Variants in GRID1 observed in about 807,000 individuals in gnomAD.
GRID1 encodes glutamate receptor ionotropic, delta-1.
A neutral mutation model predicts 98.0 loss-of-function variants in GRID1; 28 were observed. The observed-to-expected ratio is 0.29, with a 90% CI of 0.21 to 0.39. The LOEUF (loss-of-function observed/expected upper bound fraction) is 0.39, where lower values mean the gene tolerates loss of function less well. Among genes scored for constraint, GRID1 ranks in the 10% least tolerant of loss-of-function variants. The probability of loss-of-function intolerance (pLI) is 1.00; values close to 1 mark genes in which losing one functional copy is unlikely to be tolerated. For synonymous variants in GRID1, 553 were observed against 538.5 expected, an observed-to-expected ratio of 1.03 and a Z score of -0.37; for missense variants, 1,111 against 1,340.5, an observed-to-expected ratio of 0.83 and a Z score of 2.67.
chr10:85,797,667 TCTCTAACTCCCAAC>T (rs1842538139), intron 8 of GRID1, among the ~76,000 whole-genome samples: 1 of 150,774 alleles, frequency 6.6e-6, no homozygotes, highest in Non-Finnish European at 1.5e-5. Flanking sequence ...GTCAGGCTGG[TCTCTAACTCCCAAC>T]CTCAGGTGAT....
At chr10:85,684,134 G>T (rs560638636) in intron 12 of GRID1, among the ~76,000 whole-genome samples, 40 of 152,236 alleles carry the variant, frequency 2.6e-4, no homozygotes, top group Admixed American at 2.4e-3. Context: ...TGCCAAGGGG[G>T]CAACCTAAAC....
At chr10:86,345,446 C>T (rs4934188) in intron 2 of GRID1, among the ~76,000 whole-genome samples, 106,690 of 152,112 alleles carry the variant, frequency 0.7, 39,088 homozygotes, top group Non-Finnish European at 0.82. Context: ...TGGTCCTCCT[C>T]TCCCCTCTCT....
intron 5 of GRID1, among the ~76,000 whole-genome samples, chr10:85,897,376 G>A (rs1269713887): frequency 6.6e-6 from 1 of 152,202 alleles, no homozygotes; most frequent in Non-Finnish European, 1.5e-5. Flanking sequence ...CTGTGGCTTG[G>A]AGAATGGGGA....
At chr10:85,639,247 A>T (rs924798292) in intron 13 of GRID1, among the ~76,000 whole-genome samples, 5 of 152,192 alleles carry the variant, frequency 3.3e-5, no homozygotes, top group Non-Finnish European at 7.3e-5. Context: ...CACACAAAAA[A>T]AGAAGTACTG....
chr10:86,069,724 T>C (rs1294060171), intron 4 of GRID1, among the ~76,000 whole-genome samples: 5 of 152,204 alleles, frequency 3.3e-5, no homozygotes, highest in African/African-American at 1.2e-4. Flanking sequence ...AGTAAGACCA[T>C]GCTGAACCTT....
chr10:86,106,182 C>T (rs1844383107), intron 4 of GRID1, among the ~76,000 whole-genome samples: 1 of 152,098 alleles, frequency 6.6e-6, no homozygotes, highest in Non-Finnish European at 1.5e-5. Flanking sequence ...TCAAACACTG[C>T]ACATGCAGGT....
At chr10:85,618,302 G>T (rs1240857749) in intron 14 of GRID1, among the ~76,000 whole-genome samples, 4 of 152,196 alleles carry the variant, frequency 2.6e-5, no homozygotes, top group Non-Finnish European at 4.4e-5. Context: ...CTGCTGCTGT[G>T]TTGGCCCCAT....
At chr10:86,355,733 GACACA>G (rs1296114279) in intron 2 of GRID1, among the ~76,000 whole-genome samples, 1 of 152,250 alleles carries the variant, frequency 6.6e-6, no homozygotes, top group African/African-American at 2.4e-5. Context: ...TGAGTTGTTG[GACACA>G]GACCCAGCTG....
chr10:86,095,314 G>A (rs1313101639), intron 4 of GRID1, among the ~76,000 whole-genome samples: 1 of 152,068 alleles, frequency 6.6e-6, no homozygotes, highest in Non-Finnish European at 1.5e-5. Context: ...TCGTGACCAA[G>A]AATAAAAAAG....
chr10:85,774,544 C>A (rs1284456558), intron 8 of GRID1, among the ~76,000 whole-genome samples: 1 of 151,384 alleles, frequency 6.6e-6, no homozygotes, highest in Non-Finnish European at 1.5e-5. Context: ...AGGCAACCTA[C>A]AACATGGGAG....
At chr10:85,713,760 C>G (rs976538183) in intron 12 of GRID1, among the ~76,000 whole-genome samples, 1 of 151,698 alleles carries the variant, frequency 6.6e-6, no homozygotes, top group African/African-American at 2.4e-5. Flanking sequence ...ATTATATATT[C>G]ATCTCAAAAG....
chr10:86,338,639 C>G (rs1368172702), intron 2 of GRID1, among the ~76,000 whole-genome samples: 1 of 152,142 alleles, frequency 6.6e-6, no homozygotes, highest in Non-Finnish European at 1.5e-5. Context: ...CTCAATGCAA[C>G]CTCCGCCTCC....
At chr10:85,923,954 C>G (rs1841741487) in intron 4 of GRID1, among the ~76,000 whole-genome samples, 1 of 152,124 alleles carries the variant, frequency 6.6e-6, no homozygotes, top group African/African-American at 2.4e-5. Flanking sequence ...ACATGCACCT[C>G]TGGTTGTCAA....
intron 5 of GRID1, among the ~76,000 whole-genome samples, chr10:85,893,337 G>A (rs984183931): frequency 5.9e-5 from 9 of 152,096 alleles, no homozygotes; most frequent in African/African-American, 1.2e-4. Context: ...ATAGATATCC[G>A]CTACTATTAC....
At chr10:86,277,267 T>C (rs1001052194) in intron 2 of GRID1, among the ~76,000 whole-genome samples, 1 of 152,218 alleles carries the variant, frequency 6.6e-6, no homozygotes, top group Non-Finnish European at 1.5e-5. Flanking sequence ...AATTAAGATA[T>C]GCTTAGATAA....
rs937424343 is a variant in GRID1 at position 85,979,330 on chromosome 10, A to C, written c.727-63091T>G. On this transcript the variant is annotated intron_variant, in intron 4 of 15. Coordinates refer to ENST00000327946, the MANE Select transcript of GRID1 (RefSeq NM_017551.3). ...GTCCCCAAGTTTTCTATATAAAGAG[A>C]TGAGGGTGTGTTCATTTGCTAGGGC... Among the ~76,000 whole-genome samples the C allele has an allele frequency of 4.6e-5, 7 of 152,232 alleles. No individual in the cohort carries two copies. The Middle Eastern group carries it at 0.01, about 222-fold the overall frequency.
In GRID1 at chr10:85,916,820, G is replaced by A. The variant is rs941702289; in HGVS notation, c.727-581C>T. 1.6e-4 allele frequency among the ~76,000 whole-genome samples: 25 copies of A among 152,138 alleles called. No homozygotes were observed. Among genetic ancestry groups the A allele is most frequent in the African/African-American group, 5.3e-4 (22 of 41,432 alleles). ...TTAGTGTTTTGTTCTGTTTCTTTAT[G>A]GCACTTGCCATCTTTGTGCTTGAAT... On this transcript the variant is annotated intron_variant, in intron 4 of 15. Coordinates refer to ENST00000327946, the MANE Select transcript of GRID1 (RefSeq NM_017551.3). The surrounding 1 kb of genome is among the most constrained non-coding windows in gnomAD (Gnocchi z 4.0).
chr10:85,953,416 T>G (rs1589311568), intron 4 of GRID1, among the ~76,000 whole-genome samples: 1 of 152,170 alleles, frequency 6.6e-6, no homozygotes, highest in East Asian at 1.9e-4. Flanking sequence ...TAATGGGTAC[T>G]AGGCTTAATA....
chr10:85,961,684 T>G (rs1419641265), intron 4 of GRID1, among the ~76,000 whole-genome samples: 1 of 151,590 alleles, frequency 6.6e-6, no homozygotes, highest in East Asian at 2.0e-4. Flanking sequence ...CTCCTTCCTT[T>G]TTTCCTTCCC....
Sources: gnomAD v4.1 joint callset for allele counts (sites outside exome capture counted in the v4.1 genomes callset) on GRCh38, gnomAD v4.1.1 for gene constraint, Gnocchi (gnomAD v3.1) non-coding constraint, MANE v1.5 for transcripts, NCBI Gene and HGNC (gene_info 2026-07-23, HGNC 2026-07-21) for gene names.